CNTNAP2: variants seen among roughly 807,000 people sequenced by gnomAD.
The protein encoded by CNTNAP2 is contactin-associated protein-like 2.
CNTNAP2 carries 98 observed loss-of-function variants against 155.2 expected under a neutral mutation model. The ratio of observed to expected loss-of-function variants is 0.63; its 90% CI spans 0.54 to 0.75. The LOEUF is 0.75. Among genes scored for constraint, CNTNAP2 ranks in the 30% least tolerant of loss-of-function variants. CNTNAP2 has a pLI of 0.00. For missense variants in CNTNAP2, 1,727 were observed against 1,688.1 expected, an observed-to-expected ratio of 1.02 and a Z score of -0.40; for synonymous variants, 651 against 631.2, an observed-to-expected ratio of 1.03 and a Z score of -0.47.
chr7:147,258,940 T>C (rs550271714), intron 8 of CNTNAP2, among the ~76,000 whole-genome samples: 2 of 152,314 alleles, frequency 1.3e-5, no homozygotes, highest in Non-Finnish European at 2.9e-5. Flanking sequence ...TTTATCAAAT[T>C]CTAAAGCTTC....
At chr7:146,650,926 G>A (rs1210738917) in intron 1 of CNTNAP2, among the ~76,000 whole-genome samples, 2 of 152,094 alleles carry the variant, frequency 1.3e-5, no homozygotes, top group East Asian at 3.9e-4. Context: ...AGGCTGAGGT[G>A]TGAGAATTGC....
rs535834284 is a variant in CNTNAP2 at position 147,366,482 on chromosome 7, G to A, written c.1499-29127G>A. Reference sequence around the variant, plus strand: ...ATTACCTTTCCTTTATTTCAGTAGAGTATAAATTTTTTCATAAAATCTAAT... The same window carrying A: ...ATTACCTTTCCTTTATTTCAGTAGAATATAAATTTTTTCATAAAATCTAAT... On this transcript the variant is annotated intron_variant, in intron 9 of 23. Coordinates refer to ENST00000361727, the MANE Select transcript of CNTNAP2 (RefSeq NM_014141.6). 1.7e-3 allele frequency among the ~76,000 whole-genome samples: 251 copies of A among 151,616 alleles called. 2 individuals carry two copies. Among genetic ancestry groups the A allele is most frequent in the Non-Finnish European group, 3.0e-3 (207 of 67,886 alleles).
chr7:147,861,253 G>T (rs1799128490), intron 13 of CNTNAP2, among the ~76,000 whole-genome samples: 1 of 152,176 alleles, frequency 6.6e-6, no homozygotes, highest in African/African-American at 2.4e-5. Context: ...CATAATGGTG[G>T]TTATTGAGCC....
intron 4 of CNTNAP2, among the ~76,000 whole-genome samples, chr7:147,074,513 G>A (rs1457389363): frequency 3.3e-5 from 5 of 152,032 alleles, no homozygotes; most frequent in African/African-American, 1.2e-4. Context: ...TCATGGATTA[G>A]CATTTCTTCA....
chr7:147,226,597 A>G (rs780466643), intron 8 of CNTNAP2, among the ~76,000 whole-genome samples: 1 of 152,082 alleles, frequency 6.6e-6, no homozygotes, highest in Non-Finnish European at 1.5e-5. Flanking sequence ...TGAATTCAAC[A>G]TATCGTTGGC....
At chr7:148,262,572 G>A (rs1015034801) in intron 20 of CNTNAP2, among the ~76,000 whole-genome samples, 8 of 152,072 alleles carry the variant, frequency 5.3e-5, no homozygotes, top group African/African-American at 1.9e-4. Flanking sequence ...CCTTCCTCAC[G>A]TCACTCTAAC....
chr7:146,701,550 G>A (rs1235958339), intron 1 of CNTNAP2, among the ~76,000 whole-genome samples: 9 of 151,900 alleles, frequency 5.9e-5, no homozygotes, highest in African/African-American at 1.5e-4. Context: ...TTATAGACAG[G>A]GGTATTATTT....
intron 15 of CNTNAP2, among the ~76,000 whole-genome samples, chr7:148,050,413 A>G (rs1802866641): frequency 6.6e-6 from 1 of 152,232 alleles, no homozygotes; most frequent in South Asian, 2.1e-4. Context: ...GAAAAAATTC[A>G]AAGTAGAAGA....
intron 1 of CNTNAP2, among the ~76,000 whole-genome samples, chr7:146,504,845 G>T (rs544801614): frequency 6.6e-6 from 1 of 152,162 alleles, no homozygotes; most frequent in Non-Finnish European, 1.5e-5. Flanking sequence ...CTCCCAGGGG[G>T]CACAAAGTCC....
At chr7:147,277,657 A>C (rs916285138) in intron 8 of CNTNAP2, among the ~76,000 whole-genome samples, 2 of 151,816 alleles carry the variant, frequency 1.3e-5, no homozygotes, top group Non-Finnish European at 2.9e-5. Flanking sequence ...TGTACACTAG[A>C]AAGTACCATG....
intron 2 of CNTNAP2, among the ~76,000 whole-genome samples, chr7:146,811,275 T>G (rs1440059955): frequency 6.6e-6 from 1 of 152,204 alleles, no homozygotes; most frequent in South Asian, 2.1e-4. Context: ...AGGCTTTCTT[T>G]GTTTTTAATG....
chr7:146,507,803 A>G (rs563958605), intron 1 of CNTNAP2, among the ~76,000 whole-genome samples: 1 of 152,336 alleles, frequency 6.6e-6, no homozygotes, highest in South Asian at 2.1e-4. Flanking sequence ...TATAATGGAA[A>G]AGGTGGACCC....
At position 147,399,381 on chromosome 7, in the gene CNTNAP2, G is replaced by A. The variant is rs139458280; in HGVS notation, c.1670+3601G>A. Among the ~76,000 whole-genome samples the A allele has an allele frequency of 3.7e-4, 57 of 152,274 alleles. 1 individual carries two copies. The highest frequency in any genetic ancestry group is 8.7e-4 in the African/African-American group (36 of 41,558). ...TGCCATTATAATCCAGGTGAGAGACGCGTGTACCCTAGACCAGGGTGCTAG... is the reference window on the plus strand; with the variant it reads ...TGCCATTATAATCCAGGTGAGAGACACGTGTACCCTAGACCAGGGTGCTAG... On this transcript the variant is annotated intron_variant, in intron 10 of 23. Transcript: ENST00000361727.
At chr7:148,179,529 GA>G (rs1794998873) in intron 18 of CNTNAP2, among the ~76,000 whole-genome samples, 3 of 145,506 alleles carry the variant, frequency 2.1e-5, no homozygotes, top group Non-Finnish European at 3.0e-5. Context: ...GAGAGAGGGA[GA>G]GAGAGGGAGT....
At chr7:147,627,336 A>G (rs1442763523) in intron 12 of CNTNAP2, among the ~76,000 whole-genome samples, 3 of 152,254 alleles carry the variant, frequency 2.0e-5, no homozygotes, top group Non-Finnish European at 4.4e-5. Flanking sequence ...GAATAGCCAG[A>G]TAAAAAATTC....
At chr7:146,395,996 T>A (rs1364357282) in intron 1 of CNTNAP2, among the ~76,000 whole-genome samples, 1 of 152,078 alleles carries the variant, frequency 6.6e-6, no homozygotes, top group Non-Finnish European at 1.5e-5. Context: ...CTGTCACAAA[T>A]TTCAGATAAG....
chr7:146,715,362 G>C (rs1276131620), intron 1 of CNTNAP2, among the ~76,000 whole-genome samples: 2 of 152,068 alleles, frequency 1.3e-5, no homozygotes, highest in Non-Finnish European at 2.9e-5. Context: ...ACTCTATGGA[G>C]TCAAAGATAC....
At chr7:146,411,162 T>C (rs1325554801) in intron 1 of CNTNAP2, among the ~76,000 whole-genome samples, 2 of 151,592 alleles carry the variant, frequency 1.3e-5, no homozygotes, top group Non-Finnish European at 2.9e-5. Context: ...AGTAGATTTT[T>C]TTTTTTTTTT....
chr7:147,807,381 T>C (rs1274988204), intron 13 of CNTNAP2, among the ~76,000 whole-genome samples: 2 of 149,224 alleles, frequency 1.3e-5, no homozygotes, highest in Non-Finnish European at 3.0e-5. Flanking sequence ...AAATGATATA[T>C]GTTTAAGAAC....
Sources: allele counts gnomAD v4.1 joint callset (sites outside exome capture counted in the v4.1 genomes callset), GRCh38; gene constraint gnomAD v4.1.1; transcripts MANE v1.5; gene names NCBI Gene and HGNC (gene_info 2026-07-23, HGNC 2026-07-21).